CLDN16: variants seen among roughly 807,000 people sequenced by gnomAD.
CLDN16 encodes claudin 16, also known as claudin-16.
In CLDN16, 13 loss-of-function variants were observed where a neutral mutation model predicts 24.6. The observed-to-expected ratio is 0.53, with a 90% CI of 0.34 to 0.84. CLDN16 has a LOEUF of 0.84. Among genes scored for constraint, CLDN16 ranks in the 40% least tolerant of loss-of-function variants. CLDN16 has a pLI of 0.01. For missense variants in CLDN16, 298 were observed against 292.7 expected (o/e 1.02, Z -0.13); for synonymous variants, 116 against 106.7 (o/e 1.09, Z -0.54).
chr3:190,295,646 C>A, the CLDN16 span, among the ~76,000 whole-genome samples: 4 of 152,136 alleles, frequency 2.6e-5, no homozygotes, highest in Non-Finnish European at 5.9e-5. Flanking sequence ...TCAGAAGATC[C>A]ATGTTTACAT....
intron 1 of CLDN16, among the ~76,000 whole-genome samples, chr3:190,351,305 AGCAAT>A (rs1717668156): frequency 6.6e-6 from 1 of 152,106 alleles, no homozygotes; most frequent in African/African-American, 2.4e-5. Context: ...GTTCCTTTAC[AGCAAT>A]GCAAAAGGAA....
chr3:190,362,879 TTGTC>T (rs535522712), intron 1 of CLDN16, among the ~76,000 whole-genome samples: 193 of 152,086 alleles, frequency 1.3e-3, no homozygotes, highest in African/African-American at 4.4e-3. Context: ...TATTTTTCCT[TTGTC>T]TGTGGGCTCT....
At chr3:190,305,881 ATT>A in the CLDN16 span, 4 of 152,252 alleles carry the variant, frequency 2.6e-5, no homozygotes, top group Admixed American at 1.3e-4. Flanking sequence ...GGGCCATAAA[ATT>A]TTTTTGTAAT....
At chr3:190,294,610 T>G in the CLDN16 span, among the ~76,000 whole-genome samples, 2 of 152,152 alleles carry the variant, frequency 1.3e-5, no homozygotes, top group Non-Finnish European at 2.9e-5. Flanking sequence ...CTTTAAAAGT[T>G]TGAAATTATC....
At chr3:190,399,354 A>G (rs1389173855) in intron 1 of CLDN16, among the ~76,000 whole-genome samples, 1 of 150,408 alleles carries the variant, frequency 6.6e-6, no homozygotes, top group African/African-American at 2.4e-5. Context: ...AAATACTTAA[A>G]AAAAAAAAGT....
intron 1 of CLDN16, among the ~76,000 whole-genome samples, chr3:190,325,256 C>T (rs771121624): frequency 3.1e-4 from 47 of 152,170 alleles, no homozygotes; most frequent in East Asian, 9.6e-4. Context: ...TATAATTTGA[C>T]GCTCGTGTCC....
chr3:190,394,827 T>C (rs2108663114), intron 1 of CLDN16, among the ~76,000 whole-genome samples: 1 of 152,296 alleles, frequency 6.6e-6, no homozygotes, highest in African/African-American at 2.4e-5. Flanking sequence ...ATTTCGTATC[T>C]TGCTACAATT....
At chr3:190,362,004 C>G (rs1717898314) in intron 1 of CLDN16, among the ~76,000 whole-genome samples, 1 of 122,862 alleles carries the variant, frequency 8.1e-6, no homozygotes, top group African/African-American at 3.0e-5. Context: ...CACACCTGGT[C>G]TAACCAGTCT....
chr3:190,343,548 A>T (rs186935855), intron 1 of CLDN16, among the ~76,000 whole-genome samples: 1 of 152,262 alleles, frequency 6.6e-6, no homozygotes, highest in Non-Finnish European at 1.5e-5. Context: ...ATACAGAAAC[A>T]ACCTAGGTGT....
At chr3:190,337,254 T>C (rs1279993842) in intron 1 of CLDN16, among the ~76,000 whole-genome samples, 1 of 152,202 alleles carries the variant, frequency 6.6e-6, no homozygotes, top group East Asian at 1.9e-4. Context: ...GCTATACACA[T>C]GGTCATTGGT....
At chr3:190,330,977 G>A (rs1717169416) in intron 1 of CLDN16, among the ~76,000 whole-genome samples, 1 of 152,112 alleles carries the variant, frequency 6.6e-6, no homozygotes, top group South Asian at 2.1e-4. Context: ...TTTGCACAAG[G>A]TAGAGGTTAA....
At chr3:190,310,168 C>T in the CLDN16 span, 1 of 1,612,336 alleles carries the variant, frequency 6.2e-7, no homozygotes, top group African/African-American at 1.3e-5. Context: ...AATAGCGTTA[C>T]CTGGCATTGA....
chr3:190,393,413 A>T (rs1718729283), intron 1 of CLDN16, among the ~76,000 whole-genome samples: 1 of 152,184 alleles, frequency 6.6e-6, no homozygotes, highest in African/African-American at 2.4e-5. Context: ...TGGCTGTATG[A>T]ATTTAGACAG....
chr3:190,346,411 A>C (rs78077684), intron 1 of CLDN16, among the ~76,000 whole-genome samples: 2 of 152,174 alleles, frequency 1.3e-5, no homozygotes, highest in African/African-American at 4.8e-5. Context: ...TAAGCAGGAT[A>C]GTGACCCAGT....
intron 1 of CLDN16, among the ~76,000 whole-genome samples, chr3:190,336,461 T>C (rs1253013238): frequency 6.6e-6 from 1 of 152,280 alleles, no homozygotes; most frequent in African/African-American, 2.4e-5. Context: ...TATACTACCA[T>C]TAAAAAAGAA....
At position 190,411,071 on chromosome 3, in the gene CLDN16, GCT is replaced by G. The variant is rs1719271952; in HGVS notation, c.*1036_*1037del. 1 of 152,168 alleles carries G rather than the reference GCT, an allele frequency of 6.6e-6. No individual in the cohort carries two copies. Among genetic ancestry groups the G allele is most frequent in the South Asian group, 2.1e-4 (1 of 4,828 alleles). 9.4% of individuals were successfully genotyped at this position (152,168 alleles called of 1,614,324 possible). On this transcript the variant is annotated 3_prime_UTR_variant, in exon 5 of 5. Transcript: ENST00000264734. ...AGGTCAAGAGACGGAGACCATCCTG[GCT>G]AACATGGTGAAACCCTGTCTCTACT...
In CLDN16 at chr3:190,410,247, T is replaced by C. The variant is rs1161343286; in HGVS notation, c.*211T>C. 1.2e-5 allele frequency: 7 copies of C among 573,282 alleles called. No homozygotes were observed. The highest frequency in any genetic ancestry group is 3.1e-5 in the East Asian group (1 of 32,428). The allele number at this position is 573,282 out of a possible 1,614,324, so 35.5% of individuals were successfully genotyped here. Reference sequence around the variant, plus strand: ...TTCTCTCTGCTAACCTTCCACCTTATGCACACACTTTCCCTATATTTTAAG... The same window carrying C: ...TTCTCTCTGCTAACCTTCCACCTTACGCACACACTTTCCCTATATTTTAAG... On this transcript the variant is annotated 3_prime_UTR_variant, in exon 5 of 5. Transcript: ENST00000264734.
At chr3:190,349,837 C>T (rs1717633353) in intron 1 of CLDN16, among the ~76,000 whole-genome samples, 1 of 152,182 alleles carries the variant, frequency 6.6e-6, no homozygotes, top group Non-Finnish European at 1.5e-5. Flanking sequence ...CTGCCCCAGG[C>T]AAGCCTATCC....
upstream of CLDN16, among the ~76,000 whole-genome samples, chr3:190,319,248 TCTA>T (rs1716854287): frequency 6.6e-6 from 1 of 152,114 alleles, no homozygotes; most frequent in East Asian, 1.9e-4. Flanking sequence ...TCAAGAAAAG[TCTA>T]CTACAACTGT....
Sources: gnomAD v4.1 joint callset for allele counts (sites outside exome capture counted in the v4.1 genomes callset) on GRCh38, gnomAD v4.1.1 for gene constraint, MANE v1.5 for transcripts, NCBI Gene and HGNC (gene_info 2026-07-23, HGNC 2026-07-21) for gene names.